Variants in HSD17B12 observed in about 807,000 individuals in gnomAD.
HSD17B12 encodes very-long-chain 3-oxoacyl-CoA reductase.
HSD17B12 carries 32 observed loss-of-function variants against 39.3 expected under a neutral mutation model. That is an observed-to-expected ratio of 0.81 (90% CI 0.61 to 1.09). The LOEUF (loss-of-function observed/expected upper bound fraction) is 1.09. HSD17B12 is among the 50% of genes least tolerant of loss of function. The probability of loss-of-function intolerance (pLI) is 0.00; values close to 1 mark genes in which losing one functional copy is unlikely to be tolerated. For synonymous variants in HSD17B12, 150 were observed against 146.7 expected, an observed-to-expected ratio of 1.02 and a Z score of -0.16; for missense variants, 342 against 382.9, an observed-to-expected ratio of 0.89 and a Z score of 0.89.
intron 3 of HSD17B12, among the ~76,000 whole-genome samples, chr11:43,775,536 C>G (rs953469535): frequency 1.3e-5 from 2 of 151,932 alleles, no homozygotes; most frequent in East Asian, 3.9e-4. Context: ...ATATTCCATT[C>G]TATGAAGTTC....
At chr11:43,679,260 G>A (rs12363667), upstream of HSD17B12, among the ~76,000 whole-genome samples, 9,252 of 152,174 alleles carry the variant, frequency 0.061, 330 homozygotes, top group South Asian at 0.12. Flanking sequence ...GTATAAGAAT[G>A]CCTGTGATTT....
At chr11:43,816,889 C>T (rs1039394411) in intron 6 of HSD17B12, among the ~76,000 whole-genome samples, 1 of 151,892 alleles carries the variant, frequency 6.6e-6, no homozygotes, top group Middle Eastern at 3.4e-3. Context: ...TCCTGAGTTA[C>T]GTCACTTAGA....
At chr11:43,592,888 T>C in the HSD17B12 span, among the ~76,000 whole-genome samples, 1 of 152,054 alleles carries the variant, frequency 6.6e-6, no homozygotes, top group African/African-American at 2.4e-5. Flanking sequence ...GAGGCTAAGA[T>C]ACATTTACTG....
intron 1 of HSD17B12, among the ~76,000 whole-genome samples, chr11:43,693,007 T>A (rs757090731): frequency 6.6e-6 from 1 of 152,204 alleles, no homozygotes; most frequent in Non-Finnish European, 1.5e-5. Context: ...ATGAAAAAAA[T>A]CAGGAGGCAG....
At chr11:43,777,622 G>C (rs1241648243) in intron 3 of HSD17B12, among the ~76,000 whole-genome samples, 3 of 152,112 alleles carry the variant, frequency 2.0e-5, no homozygotes, top group South Asian at 2.1e-4. Flanking sequence ...TAATTGCCCT[G>C]GCCAGAACTT....
intron 1 of HSD17B12, among the ~76,000 whole-genome samples, chr11:43,704,893 G>C (rs1262194825): frequency 6.6e-6 from 1 of 152,148 alleles, no homozygotes; most frequent in Non-Finnish European, 1.5e-5. Context: ...GGATCTTGAT[G>C]CTATCCCTGA....
the HSD17B12 span, among the ~76,000 whole-genome samples, chr11:43,598,332 C>T: frequency 6.6e-6 from 1 of 152,016 alleles, no homozygotes; most frequent in Admixed American, 6.6e-5. Flanking sequence ...ATGCGGGTCT[C>T]TCTGAAAAGA....
the HSD17B12 span, among the ~76,000 whole-genome samples, chr11:43,642,696 T>C: frequency 6.6e-6 from 1 of 151,896 alleles, no homozygotes; most frequent in East Asian, 1.9e-4. Flanking sequence ...AAATACTAAC[T>C]AAAGAGTTAG....
chr11:43,783,550 C>T (rs1269899085), intron 3 of HSD17B12, among the ~76,000 whole-genome samples: 1 of 151,962 alleles, frequency 6.6e-6, no homozygotes, highest in African/African-American at 2.4e-5. Flanking sequence ...TCTCCTAATG[C>T]TATCCCTCTG....
intron 6 of HSD17B12, among the ~76,000 whole-genome samples, chr11:43,822,695 C>T (rs535279346): frequency 3.3e-5 from 5 of 152,192 alleles, no homozygotes; most frequent in East Asian, 1.9e-4. Flanking sequence ...TATTCCATGG[C>T]GTATATGTGC....
At chr11:43,795,022 A>G (rs1481935287) in intron 3 of HSD17B12, among the ~76,000 whole-genome samples, 1 of 142,186 alleles carries the variant, frequency 7.0e-6, no homozygotes, top group African/African-American at 2.6e-5. Flanking sequence ...TGGTGGTTTT[A>G]TGAAAAAAAA....
At chr11:43,733,249 ATGT>A (rs2134893157) in intron 1 of HSD17B12, among the ~76,000 whole-genome samples, 1 of 152,280 alleles carries the variant, frequency 6.6e-6, no homozygotes, top group East Asian at 1.9e-4. Context: ...CGTTGGGTTT[ATGT>A]TGTGGCGATC....
the HSD17B12 span, among the ~76,000 whole-genome samples, chr11:43,601,923 C>A: frequency 2.0e-5 from 3 of 152,210 alleles, no homozygotes; most frequent in East Asian, 3.8e-4. Context: ...CAGATGGGAA[C>A]CTTGCCATTC....
chr11:43,790,414 G>C (rs1950856386), intron 3 of HSD17B12, among the ~76,000 whole-genome samples: 4 of 152,150 alleles, frequency 2.6e-5, no homozygotes. Context: ...TATTTGCCAA[G>C]CAGCCATCTT....
chr11:43,723,191 A>G (rs1233491740), intron 1 of HSD17B12, among the ~76,000 whole-genome samples: 1 of 152,208 alleles, frequency 6.6e-6, no homozygotes, highest in Non-Finnish European at 1.5e-5. Flanking sequence ...TGAAATCACT[A>G]TTTAGCTAAG....
chr11:43,583,032 A>G, the HSD17B12 span, among the ~76,000 whole-genome samples: 1 of 152,186 alleles, frequency 6.6e-6, no homozygotes, highest in African/African-American at 2.4e-5. Context: ...CGTTAGATTA[A>G]TAATAGCTTC....
chr11:43,599,358 A>G, the HSD17B12 span, among the ~76,000 whole-genome samples: 1 of 152,140 alleles, frequency 6.6e-6, no homozygotes, highest in Non-Finnish European at 1.5e-5. Flanking sequence ...TCTCATTACC[A>G]TCTATAAGGA....
the HSD17B12 span, among the ~76,000 whole-genome samples, chr11:43,660,419 A>C: frequency 6.6e-6 from 1 of 152,084 alleles, no homozygotes; most frequent in Non-Finnish European, 1.5e-5. Flanking sequence ...TTAAACATGA[A>C]AAGATGCTCA....
At chr11:43,793,672 A>C (rs1261368801) in intron 3 of HSD17B12, among the ~76,000 whole-genome samples, 1 of 152,146 alleles carries the variant, frequency 6.6e-6, no homozygotes, top group Non-Finnish European at 1.5e-5. Flanking sequence ...TTTAATATTG[A>C]GAGGTGTTTC....
Sources: gnomAD v4.1 joint callset for allele counts (sites outside exome capture counted in the v4.1 genomes callset) on GRCh38, gnomAD v4.1.1 for gene constraint, MANE v1.5 for transcripts, NCBI Gene and HGNC (gene_info 2026-07-23, HGNC 2026-07-21) for gene names.